PCGF5: variants seen among roughly 807,000 people sequenced by gnomAD.
The protein encoded by PCGF5 is polycomb group ring finger 5.
Under a neutral mutation model 44.3 loss-of-function variants are expected in PCGF5, and 9 were observed. The observed-to-expected ratio is 0.20, with a 90% CI of 0.12 to 0.35. PCGF5 has a LOEUF of 0.35. Among genes scored for constraint, PCGF5 ranks in the 10% least tolerant of loss-of-function variants. The pLI is 1.00. For synonymous variants in PCGF5, 95 were observed against 102.5 expected (o/e 0.93, Z 0.44); for missense variants, 146 against 305.3 (o/e 0.48, Z 3.89).
At chr10:91,249,889 G>C (rs1449804001) in intron 5 of PCGF5, among the ~76,000 whole-genome samples, 1 of 151,992 alleles carries the variant, frequency 6.6e-6, no homozygotes, top group Non-Finnish European at 1.5e-5. Flanking sequence ...AATTATAGTA[G>C]TAGTGCTCTA....
intron 2 of PCGF5, among the ~76,000 whole-genome samples, chr10:91,234,393 C>T (rs1845093881): frequency 6.6e-6 from 1 of 152,142 alleles, no homozygotes; most frequent in Non-Finnish European, 1.5e-5. Context: ...CTCACCCTAC[C>T]CCAGTAAAAG....
In PCGF5 at chr10:91,222,999, G is replaced by A. The variant is rs753037661; in HGVS notation, c.112+16G>A. 1.0e-5 allele frequency: 15 copies of A among 1,483,186 alleles called. No individual in the cohort carries two copies. Among genetic ancestry groups the A allele is most frequent in the South Asian group, 3.4e-5 (3 of 87,936 alleles). 91.9% of individuals were successfully genotyped at this position (1,483,186 alleles called of 1,614,324 possible). ...CTCCATACATGTAAGTATTCTTTTAGGTTATTATACCTATCAAAGTTTATA... is the reference window on the plus strand; with the variant it reads ...CTCCATACATGTAAGTATTCTTTTAAGTTATTATACCTATCAAAGTTTATA... On this transcript the variant is annotated intron_variant, in intron 2 of 9. Transcript: ENST00000336126.
chr10:91,158,463 C>G (rs898417024), upstream of PCGF5, among the ~76,000 whole-genome samples: 1 of 152,134 alleles, frequency 6.6e-6, no homozygotes, highest in Admixed American at 6.5e-5. Flanking sequence ...GTATTTGGTG[C>G]AGCATTACTC....
At chr10:91,164,615 T>C (rs768137457) in intron 1 of PCGF5, among the ~76,000 whole-genome samples, 12 of 152,334 alleles carry the variant, frequency 7.9e-5, no homozygotes, top group Non-Finnish European at 1.2e-4. Context: ...AAAAGCCAGA[T>C]CCTAAAAGGA....
At chr10:91,171,340 A>C (rs1843601866) in intron 1 of PCGF5, among the ~76,000 whole-genome samples, 1 of 152,164 alleles carries the variant, frequency 6.6e-6, no homozygotes, top group African/African-American at 2.4e-5. Flanking sequence ...TGATTTGCCA[A>C]AAGTAAGTGG....
rs1351071835 is a variant in PCGF5 at position 91,248,720 on chromosome 10, A to C, written c.321A>C (p.Gly107=). The C allele has an allele frequency of 2.5e-6, 4 of 1,607,200 alleles. No individual in the cohort carries two copies. The highest frequency in any genetic ancestry group is 1.7e-5 in the Admixed American group (1 of 59,574). ...AGAAAAATAAGCCTCAAGAAAATGG[A>C]CAAGGTGACTTTTTCTTATGTCTGT... is the stretch of plus-strand genomic sequence containing the variant. The part of the protein sequence containing the change: ...FWKKNKPQEN[G]QDDTSKADKP... The change falls in exon 5 of 10, where the codon GGA becomes GGC. Residue 107 remains glycine (G), a synonymous_variant. Coordinates refer to ENST00000336126, the MANE Select transcript of PCGF5 (RefSeq NM_032373.5).
intron 1 of PCGF5, among the ~76,000 whole-genome samples, chr10:91,222,273 T>G (rs1321637301): frequency 6.6e-6 from 1 of 152,148 alleles, no homozygotes; most frequent in African/African-American, 2.4e-5. Flanking sequence ...GATATCAACT[T>G]GGTTTGACTC....
chr10:91,210,115 A>G (rs981385698), intron 1 of PCGF5, among the ~76,000 whole-genome samples: 2 of 152,200 alleles, frequency 1.3e-5, no homozygotes, highest in African/African-American at 4.8e-5. Flanking sequence ...CATATGCCCC[A>G]CTGCTCTCCC....
In PCGF5 at chr10:91,185,341, G is replaced by A. The variant is rs72813400; in HGVS notation, c.-184+22260G>A. Among the ~76,000 whole-genome samples the A allele has an allele frequency of 6.4e-3, 978 of 152,286 alleles. 8 individuals are homozygous for A. Among genetic ancestry groups the A allele is most frequent in the Non-Finnish European group, 0.01 (699 of 68,014 alleles). ...GTGCTGGGGGATCCCTTCTGCCCCC[G>A]TGGGTTTGGACTCTCCAAAGCCCAC... is the stretch of plus-strand genomic sequence containing the variant. On this transcript the variant is annotated intron_variant, in intron 1 of 9. Transcript: ENST00000614189.
intron 1 of PCGF5, among the ~76,000 whole-genome samples, chr10:91,212,568 C>T (rs1844471967): frequency 6.6e-6 from 1 of 152,148 alleles, no homozygotes; most frequent in Non-Finnish European, 1.5e-5. Flanking sequence ...GGCTACTCTA[C>T]TGACAGGAAT....
chr10:91,281,804 C>T lies in PCGF5; in HGVS notation c.*3488C>T, dbSNP rs1846460997. Reference sequence around the variant, plus strand: ...GGCTTTTCTTGCAATAATCAGAACACACTTCCTTTCAAATATGTTCATTGT... The same window carrying T: ...GGCTTTTCTTGCAATAATCAGAACATACTTCCTTTCAAATATGTTCATTGT... On this transcript the variant is annotated 3_prime_UTR_variant, in exon 10 of 10. Coordinates refer to ENST00000336126, the MANE Select transcript of PCGF5 (RefSeq NM_032373.5). The T allele has an allele frequency of 3.3e-5, 5 of 152,348 alleles. No homozygotes were observed. In the South Asian group the frequency reaches 8.3e-4, roughly 25 times the overall value. 9.4% of individuals were successfully genotyped at this position (152,348 alleles called of 1,614,324 possible). A position where few individuals can be genotyped will look rare whatever the true frequency, so the allele number is the denominator to read the frequency against.
At chr10:91,260,049 T>C (rs953585761) in intron 6 of PCGF5, among the ~76,000 whole-genome samples, 1 of 151,584 alleles carries the variant, frequency 6.6e-6, no homozygotes, top group Non-Finnish European at 1.5e-5. Context: ...TGGGAGAAAA[T>C]TTTTGCAACC....
intron 1 of PCGF5, among the ~76,000 whole-genome samples, chr10:91,170,632 G>A (rs957467675): frequency 6.6e-6 from 1 of 152,210 alleles, no homozygotes; most frequent in Non-Finnish European, 1.5e-5. Flanking sequence ...AGGAGGTGGA[G>A]CAACAGGAAC....
At chr10:91,162,243 C>T (rs1450773101), upstream of PCGF5, among the ~76,000 whole-genome samples, 1 of 131,744 alleles carries the variant, frequency 7.6e-6, no homozygotes, top group Non-Finnish European at 1.5e-5. Flanking sequence ...AGGCTCGAGG[C>T]CATGGTGAGT....
chr10:91,185,636 G>C (rs1470637516), intron 1 of PCGF5, among the ~76,000 whole-genome samples: 1 of 152,224 alleles, frequency 6.6e-6, no homozygotes, highest in Non-Finnish European at 1.5e-5. Flanking sequence ...TAAAGCTCCT[G>C]GGTTTCTGTG....
intron 3 of PCGF5, among the ~76,000 whole-genome samples, chr10:91,246,835 A>G (rs1845472015): frequency 6.6e-6 from 1 of 152,126 alleles, no homozygotes; most frequent in South Asian, 2.1e-4. Flanking sequence ...TTGGAGGAGG[A>G]TAGATGAGAC....
chr10:91,275,700 G>A (rs933394714), intron 9 of PCGF5, among the ~76,000 whole-genome samples: 3 of 149,592 alleles, frequency 2.0e-5, no homozygotes, highest in African/African-American at 5.0e-5. Flanking sequence ...TGATCTGCCC[G>A]CCTCGGGCTC....
intron 5 of PCGF5, 91 bp downstream of exon 5, chr10:91,248,815 A>C (rs1370112028): frequency 9.2e-7 from 1 of 1,092,650 alleles, no homozygotes; most frequent in Non-Finnish European, 1.3e-6. Flanking sequence ...CTTCAGGCTC[A>C]CATTTTTCCT....
At chr10:91,272,077 A>C (rs750554132) in intron 9 of PCGF5, among the ~76,000 whole-genome samples, 1 of 152,252 alleles carries the variant, frequency 6.6e-6, no homozygotes, top group Non-Finnish European at 1.5e-5. Context: ...AATTAGGTGA[A>C]GCTAAATAAC....
Sources: allele counts gnomAD v4.1 joint callset (sites outside exome capture counted in the v4.1 genomes callset), GRCh38; gene constraint gnomAD v4.1.1; transcripts MANE v1.5; gene names NCBI Gene and HGNC (gene_info 2026-07-23, HGNC 2026-07-21).